The following SIX4 variants were observed in gnomAD, a reference collection of about 807,000 sequenced individuals.
The protein encoded by SIX4 is SIX homeobox 4, also known as homeobox protein SIX4.
In SIX4, 23 loss-of-function variants were observed where a neutral mutation model predicts 51.5. The ratio of observed to expected loss-of-function variants is 0.45; its 90% CI spans 0.32 to 0.63. The LOEUF is 0.63. Ranked by LOEUF, SIX4 falls within the 30% of genes least tolerant of loss-of-function variation. The pLI is 0.04. For synonymous variants in SIX4, 413 were observed against 417.3 expected (o/e 0.99, Z 0.13); for missense variants, 867 against 984.0 (o/e 0.88, Z 1.59).
rs2140266423 is a variant in SIX4 at position 60,713,935 on chromosome 14, T to A, written c.1818A>T (p.Pro606=). 1 of 1,614,164 alleles carries A rather than the reference T, an allele frequency of 6.2e-7. No individual in the cohort carries two copies. The highest frequency in any genetic ancestry group is 1.3e-5 in the African/African-American group (1 of 75,048). The stretch of plus-strand genomic sequence containing the variant: ...ATACATTAACTAATGAGGAGGCCAG[T>A]GGATGCAGGCCACTCCCCGAGATGT... ...SENISGSGLH[P]LASSLVNVSP... The change falls in exon 3 of 3, where the codon CCA becomes CCT. Residue 606 remains proline, a synonymous_variant. Transcript: ENST00000216513.
intron 1 of SIX4, among the ~76,000 whole-genome samples, chr14:60,721,864 C>A (rs1488725293): frequency 6.6e-6 from 1 of 152,256 alleles, no homozygotes; most frequent in South Asian, 2.1e-4. Context: ...CTGGACCTCT[C>A]CGCATATCTG....
Position 60,722,281 on chromosome 14 carries a change from T to TG in SIX4, c.863+930_863+931insC, listed in dbSNP as rs1222090540. On this transcript the variant is annotated intron_variant, in intron 1 of 2. Coordinates refer to ENST00000216513, the MANE Select transcript of SIX4 (RefSeq NM_017420.5). This position sits in a 1 kb window ranked among gnomAD's most constrained non-coding sequence, Gnocchi z 5.9. ...CACAAAAGAGGTGGAAAATCCGGTA[T>TG]TTTTTTTACCAGAGGGGGAAAGCAG... Among the ~76,000 whole-genome samples the TG allele has an allele frequency of 2.0e-5, 3 of 152,056 alleles. No individual in the cohort carries two copies. Among genetic ancestry groups the TG allele is most frequent in the Admixed American group, 6.5e-5 (1 of 15,268 alleles).
chr14:60,717,433 G>A lies in SIX4; in HGVS notation c.1549+2327C>T, dbSNP rs1463376267. On this transcript the variant is annotated intron_variant, in intron 2 of 2. Coordinates refer to ENST00000216513, the MANE Select transcript of SIX4 (RefSeq NM_017420.5). The surrounding 1 kb of genome is among the most constrained non-coding windows in gnomAD (Gnocchi z 4.6). ...AAAAAACATCTCAAATAGATGTTTAGTTTATTGTGTGTATGTTTATGAAAT... is the reference window on the plus strand; with the variant it reads ...AAAAAACATCTCAAATAGATGTTTAATTTATTGTGTGTATGTTTATGAAAT... Among the ~76,000 whole-genome samples the A allele has an allele frequency of 6.6e-6, 1 of 152,184 alleles. No individual in the cohort carries two copies. The highest frequency in any genetic ancestry group is 1.5e-5 in the Non-Finnish European group (1 of 68,032).
chr14:60,713,597 G>A lies in SIX4; in HGVS notation c.2156C>T (p.Ala719Val), dbSNP rs763616089. ...QEHRLVLQSV[A>V]NMKENFLSNS... ...TGATAAGAAATTCTCTTTCATGTTA[G>A]CTACCGATTGCAGAACCAAACGATG... The change falls in exon 3 of 3, where the codon GCT becomes GTT. Residue 719 changes from alanine (A) to valine (V), a missense_variant. Physicochemically the swap from Ala to Val is moderately conservative, Grantham distance 64. Transcript: ENST00000216513. 2 of 1,614,176 alleles carry A rather than the reference G, an allele frequency of 1.2e-6. No individual in the cohort carries two copies. Among genetic ancestry groups the A allele is most frequent in the Non-Finnish European group, 1.7e-6 (2 of 1,180,036 alleles).
At position 60,722,915 on chromosome 14, in the gene SIX4, T is replaced by G. The variant is rs1282482082; in HGVS notation, c.863+297A>C. 18 of 229,806 alleles carry G rather than the reference T, an allele frequency of 7.8e-5. No homozygotes were observed. The highest frequency in any genetic ancestry group is 8.4e-5 in the Non-Finnish European group (12 of 143,272). The allele number at this position is 229,806 out of a possible 1,614,324, so 14.2% of individuals were successfully genotyped here. On this transcript the variant is annotated intron_variant, in intron 1 of 2. Transcript: ENST00000216513. The surrounding 1 kb of genome is among the most constrained non-coding windows in gnomAD (Gnocchi z 5.9). ...AACTTCAAAGCCAGCGGGATGGGGGTGGGAAGCTGGGCAGCAGTGACCAGC... is the reference window on the plus strand; with the variant it reads ...AACTTCAAAGCCAGCGGGATGGGGGGGGGAAGCTGGGCAGCAGTGACCAGC...
In SIX4 at chr14:60,717,495, A is replaced by T. The variant is rs1444611276; in HGVS notation, c.1549+2265T>A. On this transcript the variant is annotated intron_variant, in intron 2 of 2. Transcript: ENST00000216513. The surrounding 1 kb of genome is among the most constrained non-coding windows in gnomAD (Gnocchi z 4.6). Reference sequence around the variant, plus strand: ...GTATGCATGAACAAAATGATTAGTTATCTTTTTATAGAGCCATAAATAGCA... The same window carrying T: ...GTATGCATGAACAAAATGATTAGTTTTCTTTTTATAGAGCCATAAATAGCA... 6.6e-6 allele frequency among the ~76,000 whole-genome samples: 1 copy of T among 152,190 alleles called. No individual in the cohort carries two copies. The highest frequency in any genetic ancestry group is 1.5e-5 in the Non-Finnish European group (1 of 68,022).
chr14:60,714,252 G>GAA (rs765748852), intron 2 of SIX4, 49 bp from the exon 3 acceptor site: 3 of 1,477,288 alleles, frequency 2.0e-6, no homozygotes, highest in Non-Finnish European at 2.7e-6. Context: ...GAGAGGGAAA[G>GAA]AAAAAAAGTT....
rs1459409353 is a variant in SIX4, at chr14:60,723,523, C to G, written c.552G>C (p.Gln184His). 1 of 1,607,224 alleles carries G rather than the reference C, an allele frequency of 6.2e-7. No homozygotes were observed. Among genetic ancestry groups the G allele is most frequent in the Non-Finnish European group, 8.5e-7 (1 of 1,179,330 alleles). The part of the protein sequence containing the change: ...FESANHPLLQ[Q>H]LWYKARYTEA... The stretch of plus-strand genomic sequence containing the variant: ...CGGTGTAGCGCGCCTTGTACCAGAG[C>G]TGCTGCAGCAGCGGGTGGTTGGCCG... The change falls in exon 1 of 3, where the codon CAG (glutamine) becomes CAC (histidine). Residue 184 changes from glutamine to histidine, a missense_variant. Physicochemically the swap from Gln to His is conservative, Grantham distance 24 (BLOSUM62 0). Coordinates refer to ENST00000216513, the MANE Select transcript of SIX4 (RefSeq NM_017420.5).
Position 60,713,954 on chromosome 14 carries a change from G to A in SIX4, c.1799C>T (p.Ser600Leu), listed in dbSNP as rs765514631. 2.4e-5 allele frequency: 39 copies of A among 1,613,992 alleles called. No homozygotes were observed. In the East Asian group the frequency reaches 7.6e-4, roughly 31 times the overall value. ...VNANLSSENISGSGLHPLASS... is the reference protein window; with the variant it reads ...VNANLSSENILGSGLHPLASS... ...GGCCAGTGGATGCAGGCCACTCCCC[G>A]AGATGTTTTCAGAAGACAGGTTTGC... The change falls in exon 3 of 3, where the codon TCG becomes TTG. Residue 600 changes from serine (S) to leucine (L), a missense_variant. Physicochemically the swap from Ser to Leu is moderately radical, Grantham distance 145. Transcript: ENST00000216513.
Position 60,719,884 on chromosome 14 carries a change from T to G in SIX4, c.1425A>C (p.Pro475=). The G allele has an allele frequency of 1.2e-6, 2 of 1,614,200 alleles. No homozygotes were observed. The highest frequency in any genetic ancestry group is 2.2e-5 in the South Asian group (2 of 91,088). Residue 475 remains proline, a synonymous_variant, in exon 2 of 3, where the codon CCA becomes CCC. Transcript: ENST00000216513. The surrounding 1 kb of genome is among the most constrained non-coding windows in gnomAD (Gnocchi z 4.9). The part of the protein sequence containing the change: ...DGGSVVTFTT[P]VQINQYGIVQ... ...CAATGCCATACTGGTTAATTTGCAC[T>G]GGTGTAGTAAAAGTCACTACAGACC... is the stretch of plus-strand genomic sequence containing the variant.
Position 60,720,228 on chromosome 14 carries a change from G to A in SIX4, c.1081C>T (p.Pro361Ser), listed in dbSNP as rs376577214. ...AAAGAATTTCCATTAAGGAAGACAGGTGAAGTACTTGCAGGTACCAAGCTT... is the reference window on the plus strand; with the variant it reads ...AAAGAATTTCCATTAAGGAAGACAGATGAAGTACTTGCAGGTACCAAGCTT... ...NGSLVPASTS[P>S]VFLNGNSFIQ... Residue 361 changes from proline (P) to serine (S), a missense_variant, in exon 2 of 3, where the codon CCT (proline) becomes TCT (serine). By Grantham distance (74) the Pro-to-Ser change is moderately conservative (BLOSUM62 -1). Coordinates refer to ENST00000216513, the MANE Select transcript of SIX4 (RefSeq NM_017420.5). The surrounding 1 kb of genome is among the most constrained non-coding windows in gnomAD (Gnocchi z 5.5). 23 of 1,614,068 alleles carry A rather than the reference G, an allele frequency of 1.4e-5. No individual in the cohort carries two copies. The highest frequency in any genetic ancestry group is 2.7e-5 in the African/African-American group (2 of 74,926).
rs1343638010 is a variant in SIX4 at position 60,720,171 on chromosome 14, C to T, written c.1138G>A (p.Gly380Arg). The T allele has an allele frequency of 6.2e-7, 1 of 1,614,192 alleles. No individual in the cohort carries two copies. Among genetic ancestry groups the T allele is most frequent in the Admixed American group, 1.7e-5 (1 of 60,020 alleles). Residue 380 changes from glycine to arginine, a missense_variant, in exon 2 of 3, where the codon GGA (glycine) becomes AGA (arginine). Physicochemically the swap from Gly to Arg is moderately radical, Grantham distance 125. Transcript: ENST00000216513. The surrounding 1 kb of genome is among the most constrained non-coding windows in gnomAD (Gnocchi z 5.5). ...IQGPSGVILN[G>R]LNVGNTQAVA... ...GCCTGTGTATTTCCCACATTTAATC[C>T]ATTAAGGATAACTCCACTGGGTCCC...
At position 60,723,951 on chromosome 14, in the gene SIX4, C is replaced by T; in HGVS notation, c.124G>A (p.Gly42Arg). The part of the protein sequence containing the change: ...HREVAGGAAV[G>R]LSPPAPAPFP... The stretch of plus-strand genomic sequence containing the variant: ...GGGGCTGGAGCCGGGGGGCTCAGCC[C>T]TACCGCCGCGCCCCCCGCCACTTCT... The change falls in exon 1 of 3, where the codon GGG (glycine) becomes AGG (arginine). Residue 42 changes from glycine (G) to arginine (R), a missense_variant. Coordinates refer to ENST00000216513, the MANE Select transcript of SIX4 (RefSeq NM_017420.5). 2 of 1,512,004 alleles carry T rather than the reference C, an allele frequency of 1.3e-6. No individual in the cohort carries two copies. The highest frequency in any genetic ancestry group is 1.8e-6 in the Non-Finnish European group (2 of 1,136,800). 93.7% of individuals were successfully genotyped at this position (1,512,004 alleles called of 1,614,324 possible). A position where few individuals can be genotyped will look rare whatever the true frequency, so the allele number is the denominator to read the frequency against.
At position 60,713,308 on chromosome 14, in the gene SIX4, TAG is replaced by T. The variant is rs1895855353; in HGVS notation, c.*97_*98del. 1.5e-6 allele frequency: 2 copies of T among 1,300,098 alleles called. No individual in the cohort carries two copies. The highest frequency in any genetic ancestry group is 3.0e-5 in the African/African-American group (2 of 67,786). The allele number at this position is 1,300,098 out of a possible 1,614,324, so 80.5% of individuals were successfully genotyped here. A position where few individuals can be genotyped will look rare whatever the true frequency, so the allele number is the denominator to read the frequency against. On this transcript the variant is annotated 3_prime_UTR_variant, in exon 3 of 3. Transcript: ENST00000216513. Reference sequence around the variant, plus strand: ...TCTTGTATGCATATACTTGCAAAACTAGAGTGTTTTCCTTTAAATGGGAAAAT... The same window carrying T: ...TCTTGTATGCATATACTTGCAAAACTAGTGTTTTCCTTTAAATGGGAAAAT...
In SIX4 at chr14:60,719,649, A is replaced by C; in HGVS notation, c.1549+111T>G. 2 of 1,058,912 alleles carry C rather than the reference A, an allele frequency of 1.9e-6. No individual in the cohort carries two copies. The highest frequency in any genetic ancestry group is 1.4e-6 in the Non-Finnish European group (1 of 737,914). 65.6% of individuals were successfully genotyped at this position (1,058,912 alleles called of 1,614,324 possible). A position where few individuals can be genotyped will look rare whatever the true frequency, so the allele number is the denominator to read the frequency against. ...AGGCTACTCTACAGCTTCGGCAGCT[A>C]ATAAGGTACCTGAACAGAAACATCA... On this transcript the variant is annotated intron_variant, in intron 2 of 2. Coordinates refer to ENST00000216513, the MANE Select transcript of SIX4 (RefSeq NM_017420.5). The surrounding 1 kb of genome is among the most constrained non-coding windows in gnomAD (Gnocchi z 4.9).
At chr14:60,716,540 C>T (rs541053135) in intron 2 of SIX4, among the ~76,000 whole-genome samples, 2 of 152,200 alleles carry the variant, frequency 1.3e-5, no homozygotes, top group South Asian at 2.1e-4. Context: ...CATGAGCCAC[C>T]GCGCCTGGCC....
Position 60,713,112 on chromosome 14 carries a change from C to T in SIX4, c.*295G>A. On this transcript the variant is annotated 3_prime_UTR_variant, in exon 3 of 3. Transcript: ENST00000216513. ...AAAAACTATCAAGTTCCATTTTGAC[C>T]TTAGAATTATAGAGTCAACTAAATG... The T allele has an allele frequency of 1.2e-5, 3 of 253,524 alleles. No homozygotes were observed. Among genetic ancestry groups the T allele is most frequent in the East Asian group, 8.0e-5 (1 of 12,518 alleles). The allele number at this position is 253,524 out of a possible 1,614,324, so 15.7% of individuals were successfully genotyped here. A position where few individuals can be genotyped will look rare whatever the true frequency, so the allele number is the denominator to read the frequency against.
Position 60,724,235 on chromosome 14 carries a change from T to C in SIX4, c.-161A>G, listed in dbSNP as rs1896097213. Reference sequence around the variant, plus strand: ...TCGGCTGTATCTGGCCGATCAGGTTTCCCCCCGGCCACGCAGTCACCATTA... The same window carrying C: ...TCGGCTGTATCTGGCCGATCAGGTTCCCCCCCGGCCACGCAGTCACCATTA... On this transcript the variant is annotated 5_prime_UTR_variant, in exon 1 of 3. Transcript: ENST00000216513. 2 of 1,541,396 alleles carry C rather than the reference T, an allele frequency of 1.3e-6. No homozygotes were observed. The highest frequency in any genetic ancestry group is 2.4e-5 in the East Asian group (1 of 41,390).
rs768223841 is a variant in SIX4, at chr14:60,712,764, A to C, written c.*643T>G. 1 of 152,490 alleles carries C rather than the reference A, an allele frequency of 6.6e-6. No individual in the cohort carries two copies. The highest frequency in any genetic ancestry group is 6.5e-5 in the Admixed American group (1 of 15,280). 9.4% of individuals were successfully genotyped at this position (152,490 alleles called of 1,614,324 possible). ...TACTCAAATCCTGCTTATAGAACTG[A>C]TATATTTACATTTATACTGAAGTTT... On this transcript the variant is annotated 3_prime_UTR_variant, in exon 3 of 3. Transcript: ENST00000216513.
Sources: gnomAD v4.1 joint callset for allele counts (sites outside exome capture counted in the v4.1 genomes callset) on GRCh38, gnomAD v4.1.1 for gene constraint, Gnocchi (gnomAD v3.1) non-coding constraint, MANE v1.5 for transcripts, NCBI Gene and HGNC (gene_info 2026-07-23, HGNC 2026-07-21) for gene names.